The following CTNNA3 variants were observed in gnomAD, a reference collection of about 807,000 sequenced individuals.
CTNNA3 encodes the protein catenin alpha-3.
Under a neutral mutation model 95.7 loss-of-function variants are expected in CTNNA3, and 76 were observed. The ratio of observed to expected loss-of-function variants is 0.79; its 90% CI spans 0.66 to 0.96. The LOEUF (loss-of-function observed/expected upper bound fraction) is 0.96. Ranked by LOEUF, CTNNA3 falls within the 40% of genes least tolerant of loss-of-function variation. The pLI, the probability that CTNNA3 is intolerant of heterozygous loss-of-function variation, is 0.00. For missense variants in CTNNA3, 1,191 were observed against 1,089.8 expected (o/e 1.09, Z -1.31); for synonymous variants, 431 against 374.4 (o/e 1.15, Z -1.74).
intron 13 of CTNNA3, among the ~76,000 whole-genome samples, chr10:66,104,792 C>T (rs987241790): frequency 3.9e-5 from 6 of 152,180 alleles, no homozygotes; most frequent in African/African-American, 1.4e-4. Flanking sequence ...ATGGGCAGAG[C>T]CCATCTCCTT....
chr10:66,731,455 C>T (rs7903665), intron 9 of CTNNA3, among the ~76,000 whole-genome samples: 35,189 of 151,868 alleles, frequency 0.23, 5,383 homozygotes, highest in East Asian at 0.6. Context: ...TTGTGTCTTC[C>T]CTACTTCCTT....
intron 4 of CTNNA3, among the ~76,000 whole-genome samples, chr10:67,531,770 C>T (rs1840335088): frequency 6.6e-6 from 1 of 151,968 alleles, no homozygotes; most frequent in Admixed American, 6.6e-5. Flanking sequence ...TGGCTGTGTC[C>T]CCACCCAAAT....
chr10:66,640,196 T>C (rs904984756), intron 9 of CTNNA3, among the ~76,000 whole-genome samples: 1 of 152,138 alleles, frequency 6.6e-6, no homozygotes, highest in Non-Finnish European at 1.5e-5. Context: ...CTATTGCATA[T>C]CACAGAGCTC....
chr10:66,590,007 T>A (rs1213649998), intron 10 of CTNNA3, among the ~76,000 whole-genome samples: 2 of 152,052 alleles, frequency 1.3e-5, no homozygotes, highest in African/African-American at 4.8e-5. Flanking sequence ...AGGAGTAAGA[T>A]TTTTTGAAAA....
In CTNNA3 at chr10:67,115,808, G is replaced by T. The variant is rs79326662; in HGVS notation, c.1047+64509C>A. Among the ~76,000 whole-genome samples the T allele has an allele frequency of 2.6e-5, 4 of 151,832 alleles. No homozygotes were observed. The East Asian group carries it at 7.8e-4, about 30-fold the overall frequency. On this transcript the variant is annotated intron_variant, in intron 7 of 17. Coordinates refer to ENST00000433211, the MANE Select transcript of CTNNA3 (RefSeq NM_013266.4). ...ACAAGCAGAAAGGGGCTCTCTTTTA[G>T]GTCAGAGCTGATCTTTAGTTGTTTT...
chr10:65,927,171 T>C lies in CTNNA3; in HGVS notation c.2401-6554A>G, dbSNP rs184298263. 6.0e-4 allele frequency among the ~76,000 whole-genome samples: 91 copies of C among 152,308 alleles called. 2 individuals carry two copies. The highest frequency in any genetic ancestry group is 2.0e-3 in the African/African-American group (82 of 41,588). ...AATGATTTCAATATGTTTTCACTGA[T>C]TTTTTAGTTAACTCACGTATTAAAC... is the stretch of plus-strand genomic sequence containing the variant. On this transcript the variant is annotated intron_variant, in intron 17 of 17. Coordinates refer to ENST00000433211, the MANE Select transcript of CTNNA3 (RefSeq NM_013266.4).
chr10:67,416,238 C>G (rs1490079608), intron 5 of CTNNA3, among the ~76,000 whole-genome samples: 1 of 151,994 alleles, frequency 6.6e-6, no homozygotes, highest in African/African-American at 2.4e-5. Flanking sequence ...TATTTGCAAA[C>G]AAGGCATCCA....
chr10:67,004,571 A>G (rs542640683), intron 7 of CTNNA3, among the ~76,000 whole-genome samples: 2 of 152,240 alleles, frequency 1.3e-5, no homozygotes, highest in Admixed American at 1.3e-4. Context: ...GGAAACCATC[A>G]TTATTGCCTG....
intron 17 of CTNNA3, among the ~76,000 whole-genome samples, chr10:65,933,551 GA>G (rs985229339): frequency 1.3e-5 from 2 of 152,060 alleles, no homozygotes; most frequent in African/African-American, 4.8e-5. Context: ...GCAAAAAAAC[GA>G]AAAGTAAACA....
intron 7 of CTNNA3, among the ~76,000 whole-genome samples, chr10:66,932,768 C>A (rs1488557683): frequency 6.6e-6 from 1 of 151,964 alleles, no homozygotes; most frequent in African/African-American, 2.4e-5. Flanking sequence ...AGAATTGGAC[C>A]CAAATTCTTT....
At chr10:66,146,223 T>A (rs2083879837) in intron 13 of CTNNA3, among the ~76,000 whole-genome samples, 1 of 152,204 alleles carries the variant, frequency 6.6e-6, no homozygotes. Context: ...TTCAAAATAC[T>A]GGCCCTTCCA....
chr10:66,821,327 C>T (rs568798825), intron 7 of CTNNA3, among the ~76,000 whole-genome samples: 4 of 152,202 alleles, frequency 2.6e-5, no homozygotes, highest in East Asian at 3.9e-4. Context: ...TAATGCTTTG[C>T]CAGCAGGTCC....
intron 6 of CTNNA3, among the ~76,000 whole-genome samples, chr10:67,197,379 G>A (rs1270562816): frequency 1.3e-5 from 2 of 151,950 alleles, no homozygotes; most frequent in African/African-American, 4.8e-5. Flanking sequence ...TGTCTATAAT[G>A]ATGTCCTTTG....
At chr10:67,207,742 C>T (rs568979945) in intron 6 of CTNNA3, among the ~76,000 whole-genome samples, 4 of 152,276 alleles carry the variant, frequency 2.6e-5, no homozygotes, top group South Asian at 2.1e-4. Flanking sequence ...CAAGATTACC[C>T]GAATACTCAG....
rs911742637 is a variant in CTNNA3, at chr10:66,248,441, A to G, written c.1884+32029T>C. Among the ~76,000 whole-genome samples the G allele has an allele frequency of 5.9e-5, 9 of 151,962 alleles. No individual in the cohort carries two copies. The South Asian group carries it at 6.2e-4, about 11-fold the overall frequency. Reference sequence around the variant, plus strand: ...TGGATTAAACTCTCCAATAAAAAAGACATGGAGTAGAAGAATAGATTTTAA... The same window carrying G: ...TGGATTAAACTCTCCAATAAAAAAGGCATGGAGTAGAAGAATAGATTTTAA... On this transcript the variant is annotated intron_variant, in intron 13 of 17. Transcript: ENST00000433211.
chr10:65,949,900 G>A (rs1293952756), intron 17 of CTNNA3, among the ~76,000 whole-genome samples: 8 of 152,000 alleles, frequency 5.3e-5, no homozygotes, highest in Non-Finnish European at 1.0e-4. Flanking sequence ...GTAAAGGGAT[G>A]GCCACTGGCA....
In CTNNA3 at chr10:67,200,825, T is replaced by C. The variant is rs141688030; in HGVS notation, c.843+18782A>G. Among the ~76,000 whole-genome samples, 242 of 152,342 alleles carry C rather than the reference T, an allele frequency of 1.6e-3. 3 individuals carry two copies. The highest frequency in any genetic ancestry group is 5.6e-3 in the African/African-American group (233 of 41,584). On this transcript the variant is annotated intron_variant, in intron 6 of 17. Coordinates refer to ENST00000433211, the MANE Select transcript of CTNNA3 (RefSeq NM_013266.4). ...ACATTATACCTTGTTACAAATATTT[T>C]AAGCCCTATATTTAAGTTAGAAATA... is the stretch of plus-strand genomic sequence containing the variant.
chr10:67,234,325 G>C (rs1865356464), intron 5 of CTNNA3, among the ~76,000 whole-genome samples: 1 of 152,122 alleles, frequency 6.6e-6, no homozygotes, highest in Admixed American at 6.6e-5. Flanking sequence ...ATGATCAAGT[G>C]GGCTTCATCC....
intron 7 of CTNNA3, among the ~76,000 whole-genome samples, chr10:67,042,402 T>C (rs913866293): frequency 2.0e-5 from 3 of 152,184 alleles, no homozygotes; most frequent in African/African-American, 7.2e-5. Context: ...TGAATAATTA[T>C]ATCATTGGGA....
Sources: gnomAD v4.1 joint callset for allele counts (sites outside exome capture counted in the v4.1 genomes callset) on GRCh38, gnomAD v4.1.1 for gene constraint, MANE v1.5 for transcripts, NCBI Gene and HGNC (gene_info 2026-07-23, HGNC 2026-07-21) for gene names.